Variants in TAFA1 observed in about 807,000 individuals in gnomAD.
The protein encoded by TAFA1 is TAFA chemokine like family member 1, also known as chemokine-like protein TAFA-1.
Under a neutral mutation model 18.5 loss-of-function variants are expected in TAFA1, and 4 were observed. The ratio of observed to expected loss-of-function variants is 0.22; its 90% CI spans 0.11 to 0.49. The LOEUF is 0.49. TAFA1 is among the 20% of genes least tolerant of loss of function. The probability of loss-of-function intolerance (pLI) is 0.98; values close to 1 mark genes in which losing one functional copy is unlikely to be tolerated. For synonymous variants in TAFA1, 56 were observed against 55.2 expected (o/e 1.01, Z -0.06); for missense variants, 147 against 169.0 (o/e 0.87, Z 0.72).
intron 3 of TAFA1, among the ~76,000 whole-genome samples, chr3:68,449,784 A>C (rs1575877590): frequency 6.6e-6 from 1 of 152,172 alleles, no homozygotes; most frequent in Non-Finnish European, 1.5e-5. Flanking sequence ...CATTTTTCTT[A>C]TGGTGAAGAT....
chr3:68,519,532 T>C (rs9790155), intron 3 of TAFA1, among the ~76,000 whole-genome samples: 120,511 of 152,048 alleles, frequency 0.79, 47,848 homozygotes, highest in East Asian at 0.89. Context: ...CATATGTATG[T>C]GCTATAGGCT....
chr3:68,438,624 T>G (rs2071308132), intron 3 of TAFA1, among the ~76,000 whole-genome samples: 1 of 152,110 alleles, frequency 6.6e-6, no homozygotes, highest in South Asian at 2.1e-4. Context: ...ACCTTTCCAC[T>G]CAGCATTGCT....
At chr3:68,456,405 T>C (rs2071667235) in intron 3 of TAFA1, among the ~76,000 whole-genome samples, 1 of 152,188 alleles carries the variant, frequency 6.6e-6, no homozygotes, top group African/African-American at 2.4e-5. Context: ...TTAAAATCTC[T>C]TCAGGCAGAT....
At chr3:68,293,073 CAGCTACAACCTTCT>C (rs796905005) in intron 2 of TAFA1, among the ~76,000 whole-genome samples, 41 of 152,120 alleles carry the variant, frequency 2.7e-4, no homozygotes, top group African/African-American at 9.4e-4. Flanking sequence ...TTTGTACTAA[CAGCTACAACCTTCT>C]AGCTGAAAAG....
At chr3:68,170,123 T>C (rs2066034240) in intron 2 of TAFA1, among the ~76,000 whole-genome samples, 1 of 152,146 alleles carries the variant, frequency 6.6e-6, no homozygotes, top group South Asian at 2.1e-4. Context: ...GATCAAGATT[T>C]ATGGAATTTT....
chr3:68,491,770 A>G (rs1240725630), intron 3 of TAFA1, among the ~76,000 whole-genome samples: 1 of 152,134 alleles, frequency 6.6e-6, no homozygotes, highest in East Asian at 1.9e-4. Context: ...GAATAGTGCT[A>G]CCCAACGTCA....
At chr3:68,434,404 A>G (rs1243119634) in intron 3 of TAFA1, among the ~76,000 whole-genome samples, 1 of 152,112 alleles carries the variant, frequency 6.6e-6, no homozygotes, top group Non-Finnish European at 1.5e-5. Context: ...GCTGCTATTT[A>G]CAAGAAACTG....
rs547037547 is a variant in TAFA1 at position 68,026,239 on chromosome 3, G to GC, written c.118+19498dup. ...GTCATGGGAGTGAGGGCAGGGGTTG[G>GC]CCCACAGACGAATCCTTGTGAAGAT... On this transcript the variant is annotated intron_variant, in intron 2 of 4. Coordinates refer to ENST00000478136, the MANE Select transcript of TAFA1 (RefSeq NM_213609.4). Among the ~76,000 whole-genome samples the GC allele has an allele frequency of 2.6e-5, 4 of 151,998 alleles. No homozygotes were observed. In the South Asian group the frequency reaches 8.3e-4, roughly 32 times the overall value.
intron 2 of TAFA1, among the ~76,000 whole-genome samples, chr3:68,082,852 G>A (rs544179488): frequency 2.0e-5 from 3 of 152,232 alleles, no homozygotes; most frequent in Admixed American, 6.5e-5. Context: ...GTGGAGCTTC[G>A]GAGCTATCGA....
At chr3:68,052,024 A>T (rs181343834) in intron 2 of TAFA1, among the ~76,000 whole-genome samples, 1 of 152,088 alleles carries the variant, frequency 6.6e-6, no homozygotes, top group Admixed American at 6.6e-5. Flanking sequence ...CTTTTTTTCC[A>T]TAAATTACTA....
intron 3 of TAFA1, among the ~76,000 whole-genome samples, chr3:68,473,918 C>A (rs2072044922): frequency 6.6e-6 from 1 of 151,972 alleles, no homozygotes; most frequent in Non-Finnish European, 1.5e-5. Context: ...CCTAATAGTG[C>A]CTGAAACATG....
chr3:68,460,594 A>G (rs997808393), intron 3 of TAFA1, among the ~76,000 whole-genome samples: 6 of 152,196 alleles, frequency 3.9e-5, no homozygotes, highest in Admixed American at 3.3e-4. Context: ...TCTGTGTTAT[A>G]GATTCAGAGC....
At chr3:68,055,971 G>T (rs2064532086) in intron 2 of TAFA1, among the ~76,000 whole-genome samples, 2 of 152,202 alleles carry the variant, frequency 1.3e-5, no homozygotes, top group Admixed American at 1.3e-4. Context: ...ACCCTGGGTT[G>T]GTGTTCAGCT....
At chr3:68,065,688 C>T (rs572461849) in intron 2 of TAFA1, among the ~76,000 whole-genome samples, 10 of 149,002 alleles carry the variant, frequency 6.7e-5, no homozygotes, top group East Asian at 5.9e-4. Flanking sequence ...GATATAGAGA[C>T]GACATATACA....
intron 2 of TAFA1, among the ~76,000 whole-genome samples, chr3:68,056,505 G>A (rs575078410): frequency 2.6e-5 from 4 of 152,258 alleles, no homozygotes; most frequent in African/African-American, 9.6e-5. Context: ...GTAGATCCAG[G>A]TTTATTTTGG....
intron 3 of TAFA1, among the ~76,000 whole-genome samples, chr3:68,458,711 T>C (rs1280267404): frequency 6.6e-6 from 1 of 152,132 alleles, no homozygotes; most frequent in African/African-American, 2.4e-5. Context: ...AAACATTCCA[T>C]ATGAAGGTCA....
chr3:68,498,734 T>C (rs1234839290), intron 3 of TAFA1, among the ~76,000 whole-genome samples: 1 of 38,374 alleles, frequency 2.6e-5, no homozygotes, highest in Admixed American at 3.5e-4. Flanking sequence ...TTTTTTTTTT[T>C]TTTTTTTTTT....
intron 2 of TAFA1, among the ~76,000 whole-genome samples, chr3:68,359,523 T>C (rs549385809): frequency 1.3e-5 from 2 of 152,092 alleles, no homozygotes; most frequent in South Asian, 4.1e-4. Flanking sequence ...CATTACTGGA[T>C]TTGAAGATCA....
intron 2 of TAFA1, among the ~76,000 whole-genome samples, chr3:68,300,623 C>T (rs538207434): frequency 1.3e-5 from 2 of 152,042 alleles, no homozygotes; most frequent in South Asian, 4.2e-4. Flanking sequence ...TGGGAGGGGC[C>T]AGGGCAGAAT....
Sources: allele counts gnomAD v4.1 joint callset (sites outside exome capture counted in the v4.1 genomes callset), GRCh38; gene constraint gnomAD v4.1.1; transcripts MANE v1.5; gene names NCBI Gene and HGNC (gene_info 2026-07-23, HGNC 2026-07-21).